Variants in JPH3 observed in about 807,000 individuals in gnomAD.
The protein encoded by JPH3 is junctophilin 3.
A neutral mutation model predicts 59.6 loss-of-function variants in JPH3; 11 were observed. The ratio of observed to expected loss-of-function variants is 0.18; its 90% CI spans 0.12 to 0.31. The LOEUF (loss-of-function observed/expected upper bound fraction) is 0.31, where lower values mean the gene tolerates loss of function less well. Ranked by LOEUF, JPH3 falls within the 10% of genes least tolerant of loss-of-function variation. The pLI, the probability that JPH3 is intolerant of heterozygous loss-of-function variation, is 1.00. For missense variants in JPH3, 1,202 were observed against 1,105.7 expected, an observed-to-expected ratio of 1.09 and a Z score of -1.24; for synonymous variants, 673 against 483.6, an observed-to-expected ratio of 1.39 and a Z score of -5.14.
chr16:87,657,699 G>A (rs150550374), intron 2 of JPH3, among the ~76,000 whole-genome samples: 167 of 152,322 alleles, frequency 1.1e-3, no homozygotes, highest in African/African-American at 3.9e-3. Context: ...CATCTCTGGG[G>A]TGTGACCCTA....
At chr16:87,671,563 A>C (rs943069974) in intron 2 of JPH3, among the ~76,000 whole-genome samples, 1 of 152,084 alleles carries the variant, frequency 6.6e-6, no homozygotes, top group African/African-American at 2.4e-5. Context: ...AGTCACCCAC[A>C]CAACCCTTGT....
At chr16:87,622,801 G>T (rs1331880700) in intron 1 of JPH3, among the ~76,000 whole-genome samples, 1 of 152,186 alleles carries the variant, frequency 6.6e-6, no homozygotes, top group African/African-American at 2.4e-5. Context: ...GAGTGGATGG[G>T]GAGCGTGGGC....
At chr16:87,603,552 G>A in intron 1 of JPH3, 24 bp downstream of exon 1, 1 of 1,541,222 alleles carries the variant, frequency 6.5e-7, no homozygotes, top group Non-Finnish European at 8.7e-7. Flanking sequence ...GCCGGGCCGG[G>A]CCGGGGCGGG....
At chr16:87,638,741 C>A (rs1408355602) in intron 1 of JPH3, among the ~76,000 whole-genome samples, 1 of 152,140 alleles carries the variant, frequency 6.6e-6, no homozygotes, top group Non-Finnish European at 1.5e-5. Flanking sequence ...TCTCTGCTTC[C>A]CCTCCTGTAG....
Position 87,665,739 on chromosome 16 carries a change from C to T in JPH3, c.1161-18403C>T, listed in dbSNP as rs377564486. On this transcript the variant is annotated intron_variant, in intron 2 of 4. Transcript: ENST00000284262. ...TGCCCCCTCTTCCTCCCGGCTGCCC[C>T]GAGTCTGGCTTCCGTCAGACCCAGC... Among the ~76,000 whole-genome samples, 45 of 152,342 alleles carry T rather than the reference C, an allele frequency of 3.0e-4. 1 individual carries two copies. The East Asian group carries it at 6.6e-3, about 22-fold the overall frequency.
intron 2 of JPH3, among the ~76,000 whole-genome samples, chr16:87,673,384 G>T (rs1439483540): frequency 6.6e-6 from 1 of 151,764 alleles, no homozygotes; most frequent in Non-Finnish European, 1.5e-5. Context: ...TGCTTTGCTC[G>T]TGGGGGTGTA....
At position 87,644,833 on chromosome 16, in the gene JPH3, C is replaced by T. The variant is rs754329526; in HGVS notation, c.958C>T (p.Arg320Cys). The T allele has an allele frequency of 4.2e-5, 68 of 1,613,304 alleles. No individual in the cohort carries two copies. The highest frequency in any genetic ancestry group is 1.5e-4 in the Admixed American group (9 of 59,990). ...KYEGEWASNR[R>C]HGYGCMTFPD... ...CGAGGGCGAGTGGGCCAGCAACCGG[C>T]GCCATGGCTACGGCTGCATGACCTT... is the stretch of plus-strand genomic sequence containing the variant. The change falls in exon 2 of 5, where the codon CGC (arginine) becomes TGC (cysteine). Residue 320 changes from arginine to cysteine, a missense_variant. Physicochemically the swap from Arg to Cys is radical, Grantham distance 180. Transcript: ENST00000284262.
chr16:87,655,508 C>G (rs572569952), intron 2 of JPH3, among the ~76,000 whole-genome samples: 1 of 152,270 alleles, frequency 6.6e-6, no homozygotes, highest in South Asian at 2.1e-4. Context: ...CGTGCACCAC[C>G]ACGCCCAGCT....
intron 2 of JPH3, among the ~76,000 whole-genome samples, chr16:87,679,165 C>T (rs964601479): frequency 6.6e-6 from 1 of 152,252 alleles, no homozygotes; most frequent in Non-Finnish European, 1.5e-5. Context: ...CTGCCTGTCC[C>T]TGCCACCCTT....
At chr16:87,624,633 C>A (rs376682550) in intron 1 of JPH3, among the ~76,000 whole-genome samples, 3 of 152,240 alleles carry the variant, frequency 2.0e-5, no homozygotes, top group Admixed American at 6.5e-5. Flanking sequence ...CACTTTTGGG[C>A]TGTTTCCACC....
chr16:87,669,659 G>T (rs528104339), intron 2 of JPH3, among the ~76,000 whole-genome samples: 2 of 152,352 alleles, frequency 1.3e-5, no homozygotes, highest in East Asian at 3.9e-4. Context: ...GGCGTGTGGG[G>T]TGGAGGCCGG....
intron 2 of JPH3, among the ~76,000 whole-genome samples, chr16:87,660,979 G>A (rs751920067): frequency 1.4e-4 from 21 of 152,230 alleles, no homozygotes; most frequent in South Asian, 8.3e-4. Flanking sequence ...GAAGTGTTTC[G>A]GATCTTGGCT....
intron 1 of JPH3, among the ~76,000 whole-genome samples, chr16:87,637,395 A>G (rs1005039904): frequency 1.4e-5 from 1 of 72,144 alleles, no homozygotes; most frequent in Admixed American, 1.2e-4. Context: ...TATGGGGGAG[A>G]GAGAGAGAGA....
At chr16:87,686,752 A>C (rs1232316132) in intron 3 of JPH3, among the ~76,000 whole-genome samples, 1 of 152,154 alleles carries the variant, frequency 6.6e-6, no homozygotes, top group Admixed American at 6.5e-5. Context: ...AGGTCCCTGC[A>C]GGAGGGGCCT....
At chr16:87,607,493 C>T (rs1477875497) in intron 1 of JPH3, among the ~76,000 whole-genome samples, 2 of 152,242 alleles carry the variant, frequency 1.3e-5, no homozygotes, top group East Asian at 1.9e-4. Flanking sequence ...ACATTTTCCA[C>T]CCCGTCCCCC....
chr16:87,631,666 C>A (rs933054943), intron 1 of JPH3, among the ~76,000 whole-genome samples: 1 of 152,086 alleles, frequency 6.6e-6, no homozygotes, highest in Non-Finnish European at 1.5e-5. Flanking sequence ...AAATCTTTGC[C>A]CATTTTCCTT....
At chr16:87,677,468 A>G (rs1172182631) in intron 2 of JPH3, among the ~76,000 whole-genome samples, 6 of 152,224 alleles carry the variant, frequency 3.9e-5, no homozygotes, top group Admixed American at 3.9e-4. Context: ...CTTATCCAGC[A>G]TAAGAACAGC....
intron 3 of JPH3, among the ~76,000 whole-genome samples, chr16:87,688,109 C>G (rs544463527): frequency 6.6e-6 from 1 of 152,306 alleles, no homozygotes; most frequent in Non-Finnish European, 1.5e-5. Flanking sequence ...CCATTCCCTG[C>G]TCTGCTCGGG....
chr16:87,622,914 C>G (rs2031241823), intron 1 of JPH3, among the ~76,000 whole-genome samples: 1 of 152,134 alleles, frequency 6.6e-6, no homozygotes, highest in South Asian at 2.1e-4. Flanking sequence ...ATGAGAGGGC[C>G]CTGGGGTCCC....
Sources: allele counts gnomAD v4.1 joint callset (sites outside exome capture counted in the v4.1 genomes callset), GRCh38; gene constraint gnomAD v4.1.1; transcripts MANE v1.5; gene names NCBI Gene and HGNC (gene_info 2026-07-23, HGNC 2026-07-21).